Variants in HTR2C observed in about 807,000 individuals in gnomAD.
The protein encoded by HTR2C is 5-hydroxytryptamine receptor 2C.
HTR2C carries 5 observed loss-of-function variants against 21.0 expected under a neutral mutation model. The ratio of observed to expected loss-of-function variants is 0.24; its 90% CI spans 0.12 to 0.50. The LOEUF is 0.50. Among genes scored for constraint, HTR2C ranks in the 20% least tolerant of loss-of-function variants. The pLI, the probability that HTR2C is intolerant of heterozygous loss-of-function variation, is 0.98. For synonymous variants in HTR2C, 150 were observed against 145.3 expected (o/e 1.03, Z -0.23); for missense variants, 271 against 371.2 (o/e 0.73, Z 2.22).
At chrX:114,836,844 G>A (rs959260458) in intron 4 of HTR2C, among the ~76,000 whole-genome samples, 6 of 82,147 alleles carry the variant, frequency 7.3e-5, no homozygotes, top group South Asian at 1.6e-3. Flanking sequence ...TTCTAAACTC[G>A]TTAATGCTCA....
intron 2 of HTR2C, among the ~76,000 whole-genome samples, chrX:114,694,434 A>AATATAT (rs782501990): frequency 2.1e-4 from 19 of 91,920 alleles, no homozygotes; most frequent in Admixed American, 3.5e-4. Flanking sequence ...TCCTCAACTA[A>AATATAT]ATATATATAT....
chrX:114,736,318 C>G (rs1191739256), intron 4 of HTR2C, among the ~76,000 whole-genome samples: 2 of 95,285 alleles, frequency 2.1e-5, no homozygotes, highest in African/African-American at 7.4e-5. Context: ...CCCTTACAAC[C>G]CAGGGATTAG....
At chrX:114,715,842 A>G (rs1164647964) in intron 2 of HTR2C, among the ~76,000 whole-genome samples, 3 of 112,283 alleles carry the variant, frequency 2.7e-5, no homozygotes, top group Non-Finnish European at 5.6e-5. Flanking sequence ...CTTTGTTTAA[A>G]TGTTTATTTT....
intron 2 of HTR2C, among the ~76,000 whole-genome samples, chrX:114,673,291 TA>T (rs1931445975): frequency 8.9e-6 from 1 of 112,137 alleles, no homozygotes; most frequent in African/African-American, 3.2e-5. Context: ...ATTCATTTTT[TA>T]TGATTATCTT....
At chrX:114,679,889 G>A (rs903362399) in intron 2 of HTR2C, among the ~76,000 whole-genome samples, 1 of 111,756 alleles carries the variant, frequency 8.9e-6, no homozygotes, top group Non-Finnish European at 1.9e-5. Flanking sequence ...TATAATTTAA[G>A]TTCTAGAATA....
rs146866206 is a variant in HTR2C, at chrX:114,868,383, A to G, written c.550+20180A>G. On this transcript the variant is annotated intron_variant, in intron 5 of 5. Coordinates refer to ENST00000276198, the MANE Select transcript of HTR2C (RefSeq NM_000868.4). ...TTCCAGGGTGACTCATGTCAAAAAC[A>G]TTGTGGATGTCCCTTTCCAGTTTCC... 3.4e-3 allele frequency among the ~76,000 whole-genome samples: 370 copies of G among 110,410 alleles called. 2 individuals are homozygous for G. In the East Asian group the frequency reaches 0.043, roughly 13 times the overall value.
chrX:114,776,009 C>T (rs1292997232), intron 4 of HTR2C: 1 of 408,983 alleles, frequency 2.4e-6, no homozygotes, highest in African/African-American at 2.5e-5. Context: ...TCTTATAGCT[C>T]TCTTCTTCTC....
In HTR2C at chrX:114,862,257, T is replaced by G. The variant is rs188553861; in HGVS notation, c.550+14054T>G. The stretch of plus-strand genomic sequence containing the variant: ...AGAAATTATCCTTTTCCTATTGGGC[T>G]TTATTGATGCCCTTGTCAAAAACAA... On this transcript the variant is annotated intron_variant, in intron 5 of 5. Transcript: ENST00000276198. Among the ~76,000 whole-genome samples the G allele has an allele frequency of 5.2e-3, 573 of 110,989 alleles. 4 individuals are homozygous for G. Among genetic ancestry groups the G allele is most frequent in the African/African-American group, 0.018 (545 of 30,719 alleles).
At chrX:114,703,175 C>A (rs1678546264) in intron 2 of HTR2C, among the ~76,000 whole-genome samples, 1 of 107,346 alleles carries the variant, frequency 9.3e-6, no homozygotes, top group South Asian at 4.3e-4. Context: ...AACAAGGATA[C>A]CCAGGAATTG....
chrX:114,837,229 C>G (rs1381780838), intron 4 of HTR2C, among the ~76,000 whole-genome samples: 1 of 111,100 alleles, frequency 9.0e-6, no homozygotes, highest in Non-Finnish European at 1.9e-5. Context: ...GGAAATAATC[C>G]CCTTATTTAT....
intron 2 of HTR2C, among the ~76,000 whole-genome samples, chrX:114,696,664 T>A (rs1556415918): frequency 9.0e-6 from 1 of 110,975 alleles, no homozygotes; most frequent in East Asian, 2.8e-4. Flanking sequence ...AAAGTCGTTT[T>A]ATTTTCATTG....
intron 4 of HTR2C, among the ~76,000 whole-genome samples, chrX:114,790,520 C>T (rs1468598124): frequency 9.0e-6 from 1 of 111,704 alleles, no homozygotes; most frequent in East Asian, 2.8e-4. Flanking sequence ...TGACCCACCT[C>T]ATTACAGCAA....
chrX:114,896,399 T>C (rs2071297375), intron 5 of HTR2C, among the ~76,000 whole-genome samples: 1 of 112,277 alleles, frequency 8.9e-6, no homozygotes, highest in African/African-American at 3.2e-5. Flanking sequence ...GTTTATATTT[T>C]ATATATCATT....
intron 4 of HTR2C, among the ~76,000 whole-genome samples, chrX:114,821,577 C>T (rs925515882): frequency 1.8e-5 from 2 of 111,373 alleles, no homozygotes; most frequent in Non-Finnish European, 3.8e-5. Context: ...AAGTTAGAAA[C>T]ACTGGCCTAC....
chrX:114,747,162 G>A (rs1198182493), intron 4 of HTR2C, among the ~76,000 whole-genome samples: 1 of 111,842 alleles, frequency 8.9e-6, no homozygotes, highest in African/African-American at 3.3e-5. Context: ...ATGACAGAAC[G>A]AGACCCTGTC....
At chrX:114,608,865 T>A (rs1367589251) in intron 1 of HTR2C, among the ~76,000 whole-genome samples, 1 of 111,954 alleles carries the variant, frequency 8.9e-6, no homozygotes, top group Non-Finnish European at 1.9e-5. Flanking sequence ...CAAACAAAAC[T>A]ATCCTTTCCA....
At chrX:114,794,598 T>TG (rs2070270871) in intron 4 of HTR2C, among the ~76,000 whole-genome samples, 1 of 95,827 alleles carries the variant, frequency 1.0e-5, no homozygotes, top group Non-Finnish European at 2.1e-5. Flanking sequence ...CGTTGTTCAA[T>TG]TCCCACCTAT....
intron 4 of HTR2C, among the ~76,000 whole-genome samples, chrX:114,753,299 C>G (rs1370416306): frequency 9.0e-6 from 1 of 111,233 alleles, no homozygotes; most frequent in Non-Finnish European, 1.9e-5. Flanking sequence ...AATGCATTCC[C>G]CCTAAGATTA....
intron 2 of HTR2C, among the ~76,000 whole-genome samples, chrX:114,637,784 T>C (rs781839003): frequency 2.7e-4 from 30 of 110,970 alleles, no homozygotes; most frequent in Admixed American, 2.4e-3. Flanking sequence ...TAACCAGTCT[T>C]AGAAAACCTG....
Sources: allele counts gnomAD v4.1 joint callset (sites outside exome capture counted in the v4.1 genomes callset), GRCh38; gene constraint gnomAD v4.1.1; transcripts MANE v1.5; gene names NCBI Gene and HGNC (gene_info 2026-07-23, HGNC 2026-07-21).